The following PAX7 variants were observed in gnomAD, a reference collection of about 807,000 sequenced individuals.
PAX7 encodes the protein paired box protein Pax-7.
PAX7 carries 18 observed loss-of-function variants against 50.7 expected under a neutral mutation model. That is an observed-to-expected ratio of 0.36 (90% CI 0.25 to 0.53). The LOEUF (loss-of-function observed/expected upper bound fraction) is 0.53. PAX7 is among the 20% of genes least tolerant of loss of function. The pLI is 0.93. For synonymous variants in PAX7, 310 were observed against 290.4 expected, an observed-to-expected ratio of 1.07 and a Z score of -0.69; for missense variants, 644 against 702.9, an observed-to-expected ratio of 0.92 and a Z score of 0.95.
intron 7 of PAX7, among the ~76,000 whole-genome samples, chr1:18,704,391 C>T (rs752059706): frequency 4.6e-5 from 7 of 152,246 alleles, no homozygotes; most frequent in East Asian, 1.9e-4. Context: ...GAGGCCGAGG[C>T]GGGTGGATCA....
chr1:18,665,653 G>T (rs147929933), intron 4 of PAX7, among the ~76,000 whole-genome samples: 2 of 147,444 alleles, frequency 1.4e-5, no homozygotes, highest in Admixed American at 6.7e-5. Context: ...GATTACAGGC[G>T]TGAGCCACTG....
Position 18,716,518 on chromosome 1 carries a change from T to C in PAX7, c.1155+13222T>C, listed in dbSNP as rs544951436. On this transcript the variant is annotated intron_variant, in intron 7 of 8. Transcript: ENST00000420770. The stretch of plus-strand genomic sequence containing the variant: ...TGTTGTTTTTTGTTTTTTGTTTTTT[T>C]CACACACTCTCTGCTTCCTATTTCT... Among the ~76,000 whole-genome samples the C allele has an allele frequency of 4.6e-3, 702 of 151,302 alleles. 8 individuals carry two copies. The highest frequency in any genetic ancestry group is 0.016 in the African/African-American group (647 of 41,030).
chr1:18,636,480 G>C lies in PAX7; in HGVS notation c.586+109G>C. 1 of 1,349,480 alleles carries C rather than the reference G, an allele frequency of 7.4e-7. No homozygotes were observed. Among genetic ancestry groups the C allele is most frequent in the Non-Finnish European group, 1.0e-6 (1 of 980,926 alleles). 83.6% of individuals were successfully genotyped at this position (1,349,480 alleles called of 1,614,324 possible). On this transcript the variant is annotated intron_variant, in intron 4 of 8. Transcript: ENST00000420770. The surrounding 1 kb of genome is among the most constrained non-coding windows in gnomAD (Gnocchi z 5.1). ...CGGAGCAGGCGACCAGAACTCCAGC[G>C]GAGAAACTCTCATGCTGCGGGGCAG... is the stretch of plus-strand genomic sequence containing the variant.
intron 4 of PAX7, among the ~76,000 whole-genome samples, chr1:18,675,932 T>A (rs1383905711): frequency 6.6e-6 from 1 of 152,146 alleles, no homozygotes; most frequent in East Asian, 1.9e-4. Context: ...TAGCCTCCCA[T>A]CTGCCCACCA....
At chr1:18,715,220 C>T (rs1171894524) in intron 7 of PAX7, among the ~76,000 whole-genome samples, 2 of 152,220 alleles carry the variant, frequency 1.3e-5, no homozygotes, top group African/African-American at 4.8e-5. Context: ...TTTTTTAAGA[C>T]TTGGCTCCCT....
At chr1:18,693,107 C>T (rs2089099496) in intron 5 of PAX7, among the ~76,000 whole-genome samples, 1 of 152,104 alleles carries the variant, frequency 6.6e-6, no homozygotes, top group African/African-American at 2.4e-5. Flanking sequence ...GAATCCATTC[C>T]CTGGCTGTCT....
intron 7 of PAX7, among the ~76,000 whole-genome samples, chr1:18,718,940 G>A (rs949290524): frequency 7.2e-5 from 11 of 152,064 alleles, no homozygotes; most frequent in African/African-American, 2.7e-4. Flanking sequence ...GCACCCAGCC[G>A]ACCCTTCTTT....
At chr1:18,705,827 G>A (rs1570200496) in intron 7 of PAX7, among the ~76,000 whole-genome samples, 1 of 152,154 alleles carries the variant, frequency 6.6e-6, no homozygotes, top group Non-Finnish European at 1.5e-5. Flanking sequence ...AAAGCGAGAG[G>A]CCTCCAGCCC....
At chr1:18,679,233 C>G (rs1053905031) in intron 4 of PAX7, among the ~76,000 whole-genome samples, 1 of 152,168 alleles carries the variant, frequency 6.6e-6, no homozygotes, top group Non-Finnish European at 1.5e-5. Context: ...CAGGGAGTTA[C>G]ATGGACAGAG....
At chr1:18,645,688 T>C (rs945737346) in intron 4 of PAX7, among the ~76,000 whole-genome samples, 2 of 152,208 alleles carry the variant, frequency 1.3e-5, no homozygotes, top group Non-Finnish European at 2.9e-5. Flanking sequence ...TGAACACTTT[T>C]GCAGGGAGAT....
chr1:18,705,624 A>C (rs1353943318), intron 7 of PAX7, among the ~76,000 whole-genome samples: 1 of 152,164 alleles, frequency 6.6e-6, no homozygotes, highest in African/African-American at 2.4e-5. Flanking sequence ...TTAGCAAAGA[A>C]GGGGCCCCAG....
intron 4 of PAX7, among the ~76,000 whole-genome samples, chr1:18,681,206 C>T (rs1327436106): frequency 6.7e-6 from 1 of 149,922 alleles, no homozygotes; most frequent in African/African-American, 2.5e-5. Flanking sequence ...TTGAGCTGAG[C>T]TCCTCATAGA....
At chr1:18,676,417 C>A (rs573686540) in intron 4 of PAX7, among the ~76,000 whole-genome samples, 1 of 136,812 alleles carries the variant, frequency 7.3e-6, no homozygotes, top group African/African-American at 2.7e-5. Flanking sequence ...AGGGGGGCAG[C>A]GGGAGAATGC....
chr1:18,731,123 C>T (rs2089641275), intron 7 of PAX7, among the ~76,000 whole-genome samples: 1 of 152,190 alleles, frequency 6.6e-6, no homozygotes, highest in Non-Finnish European at 1.5e-5. Flanking sequence ...GTAAAATCTA[C>T]CCGGGGAGAG....
At position 18,635,197 on chromosome 1, in the gene PAX7, G is replaced by A. The variant is rs72937282; in HGVS notation, c.408G>A (p.Arg136=). ...PGMFSWEIRD[R]LLKDGHCDRS... ...TGTTCAGCTGGGAGATCCGGGACAG[G>A]CTGCTGAAGGATGGGCACTGTGACC... Residue 136 remains arginine (R), a synonymous_variant, in exon 3 of 9, where the codon AGG becomes AGA. Transcript: ENST00000420770. 1,587 of 1,614,016 alleles carry A rather than the reference G, an allele frequency of 9.8e-4. 12 individuals carry two copies. In the African/African-American group the frequency reaches 0.017, roughly 17 times the overall value.
At chr1:18,694,351 C>A (rs530488526) in intron 5 of PAX7, among the ~76,000 whole-genome samples, 9 of 151,806 alleles carry the variant, frequency 5.9e-5, no homozygotes, top group Non-Finnish European at 1.0e-4. Flanking sequence ...CCCAGCTACT[C>A]GGGAGACTGA....
At chr1:18,657,816 C>G (rs531494681) in intron 4 of PAX7, among the ~76,000 whole-genome samples, 1 of 152,124 alleles carries the variant, frequency 6.6e-6, no homozygotes, top group African/African-American at 2.4e-5. Context: ...AAAAAAAAGA[C>G]GCCAGCCTTC....
intron 4 of PAX7, among the ~76,000 whole-genome samples, chr1:18,657,203 G>A (rs6659735): frequency 0.36 from 53,892 of 151,656 alleles, 10,010 homozygotes; most frequent in Middle Eastern, 0.43. Context: ...GGAGCATGGG[G>A]GTGATAAGAG....
intron 8 of PAX7, among the ~76,000 whole-genome samples, chr1:18,736,859 A>G (rs978357418): frequency 6.6e-6 from 1 of 152,236 alleles, no homozygotes; most frequent in African/African-American, 2.4e-5. Context: ...TCCCAGTCGC[A>G]CTAGCCACAT....
Sources: allele counts gnomAD v4.1 joint callset (sites outside exome capture counted in the v4.1 genomes callset), GRCh38; gene constraint gnomAD v4.1.1; non-coding constraint Gnocchi (gnomAD v3.1); transcripts MANE v1.5; gene names NCBI Gene and HGNC (gene_info 2026-07-23, HGNC 2026-07-21).